The following CXorf38 variants were observed in gnomAD, a reference collection of about 807,000 sequenced individuals.
CXorf38 encodes the protein chromosome X open reading frame 38.
CXorf38 carries 13 observed loss-of-function variants against 27.5 expected under a neutral mutation model. The ratio of observed to expected loss-of-function variants is 0.47; its 90% CI spans 0.31 to 0.75. CXorf38 has a LOEUF of 0.75. Ranked by LOEUF, CXorf38 falls within the 30% of genes least tolerant of loss-of-function variation. CXorf38 has a pLI of 0.05. For missense variants in CXorf38, 240 were observed against 253.2 expected (o/e 0.95, Z 0.35); for synonymous variants, 100 against 99.8 (o/e 1.00, Z -0.01).
At chrX:40,636,485 T>A in intron 5 of CXorf38, 48 bp downstream of exon 5, 1 of 862,763 alleles carries the variant, frequency 1.2e-6, no homozygotes, top group South Asian at 2.7e-5. Context: ...CCCAGAATCT[T>A]TCTTTGTGTT....
At chrX:40,641,589 G>A (rs1008932602) in intron 2 of CXorf38, among the ~76,000 whole-genome samples, 1 of 111,413 alleles carries the variant, frequency 9.0e-6, no homozygotes, top group African/African-American at 3.3e-5. Context: ...ATGGGGTTTC[G>A]CCATGTTGCC....
At position 40,630,517 on chromosome X, in the gene CXorf38, T is replaced by C. The variant is rs746479282; in HGVS notation, c.*1+97A>G. The C allele has an allele frequency of 3.4e-4, 281 of 833,548 alleles. 1 individual carries two copies. Among genetic ancestry groups the C allele is most frequent in the Non-Finnish European group, 4.6e-4 (275 of 593,800 alleles). 68.7% of individuals were successfully genotyped at this position (833,548 alleles called of 1,213,427 possible). On this transcript the variant is annotated intron_variant, in intron 6 of 6. Transcript: ENST00000327877. ...GGACAAAGGCAAACTTCAGATTAGA[T>C]TGTTGTGTGTTCATGATGGCCTCAC...
At position 40,640,702 on chromosome X, in the gene CXorf38, G is replaced by A. The variant is rs139279944; in HGVS notation, c.352-1574C>T. Among the ~76,000 whole-genome samples the A allele has an allele frequency of 5.6e-3, 617 of 111,130 alleles. 7 individuals carry two copies. The highest frequency in any genetic ancestry group is 0.019 in the African/African-American group (592 of 30,493). The stretch of plus-strand genomic sequence containing the variant: ...CACCTATAATCCCAGCACTTTGGGA[G>A]GCCAAGGCGGGCAGATCACCTGAGG... On this transcript the variant is annotated intron_variant, in intron 2 of 6. Coordinates refer to ENST00000327877, the MANE Select transcript of CXorf38 (RefSeq NM_144970.3).
chrX:40,635,908 A>G (rs1569270188), intron 5 of CXorf38, among the ~76,000 whole-genome samples: 1 of 111,865 alleles, frequency 8.9e-6, no homozygotes, highest in Non-Finnish European at 1.9e-5. Context: ...CCAACCTCCA[A>G]CTACCACAAG....
rs1381123456 is a variant in CXorf38, at chrX:40,628,836, CAGCTGCCAAGCGAGA to C, written c.*1313_*1327del. On this transcript the variant is annotated 3_prime_UTR_variant, in exon 7 of 7. Coordinates refer to ENST00000327877, the MANE Select transcript of CXorf38 (RefSeq NM_144970.3). ...TACTTTTCAAAAGTGTACCATAAAC[CAGCTGCCAAGCGAGA>C]AGCTCCCCTGCTCCTGCCTGACATC... The C allele has an allele frequency of 1.0e-4, 11 of 110,494 alleles. No individual in the cohort carries two copies. The highest frequency in any genetic ancestry group is 1.7e-4 in the Non-Finnish European group (9 of 52,877). 9.1% of individuals were successfully genotyped at this position (110,494 alleles called of 1,213,427 possible). A position where few individuals can be genotyped will look rare whatever the true frequency, so the allele number is the denominator to read the frequency against.
chrX:40,643,902 A>G (rs1928459638), intron 2 of CXorf38, among the ~76,000 whole-genome samples: 1 of 112,762 alleles, frequency 8.9e-6, no homozygotes, highest in Non-Finnish European at 1.9e-5. Flanking sequence ...TTCACTCAGC[A>G]TACTGTTTTC....
rs199720938 is a variant in CXorf38, at chrX:40,638,985, G to C, written c.471+24C>G. ...CACAGACCCAACTGACTCAGGGTAT[G>C]CTTTTGAATCTGACAGCTCTTACCT... On this transcript the variant is annotated intron_variant, in intron 3 of 6. Coordinates refer to ENST00000327877, the MANE Select transcript of CXorf38 (RefSeq NM_144970.3). 108 of 1,205,961 alleles carry C rather than the reference G, an allele frequency of 9.0e-5. 1 individual carries two copies. Among genetic ancestry groups the C allele is most frequent in the Non-Finnish European group, 1.2e-4 (103 of 892,821 alleles).
chrX:40,631,491 A>G (rs984030294), intron 5 of CXorf38, among the ~76,000 whole-genome samples: 2 of 110,278 alleles, frequency 1.8e-5, no homozygotes, highest in African/African-American at 3.3e-5. Context: ...TTTTTAGTAG[A>G]GACGGGGTTT....
chrX:40,646,867 C>A, intron 2 of CXorf38, 140 bp downstream of exon 2: 1 of 732,665 alleles, frequency 1.4e-6, no homozygotes, highest in Non-Finnish European at 1.9e-6. Context: ...CCGCATACCA[C>A]CCCTGAACCG....
chrX:40,638,125 G>A (rs1175727866), intron 3 of CXorf38, among the ~76,000 whole-genome samples: 3 of 111,900 alleles, frequency 2.7e-5, no homozygotes, highest in Non-Finnish European at 5.6e-5. Context: ...TGGGTCCAGG[G>A]AGTTTCCTGA....
intron 2 of CXorf38, among the ~76,000 whole-genome samples, chrX:40,641,236 C>G (rs1156993674): frequency 9.0e-6 from 1 of 111,250 alleles, no homozygotes; most frequent in Non-Finnish European, 1.9e-5. Context: ...AAAAAAGAAA[C>G]TGCTGAATTC....
Position 40,647,545 on chromosome X carries a change from T to C in CXorf38, c.-25A>G, listed in dbSNP as rs200948964. The C allele has an allele frequency of 1.8e-4, 207 of 1,169,624 alleles. No homozygotes were observed. In the African/African-American group the frequency reaches 3.6e-3, roughly 20 times the overall value. On this transcript the variant is annotated 5_prime_UTR_variant, in exon 1 of 7. Transcript: ENST00000327877. ...TGTCTCCCACTTGGAACCAGGAGGTTGCGGGGCGTGGCGGACGGCAGTGCG... is the reference window on the plus strand; with the variant it reads ...TGTCTCCCACTTGGAACCAGGAGGTCGCGGGGCGTGGCGGACGGCAGTGCG...
At chrX:40,640,245 C>T (rs1210216925) in intron 2 of CXorf38, 4 of 320,270 alleles carry the variant, frequency 1.2e-5, no homozygotes, top group Non-Finnish European at 2.4e-5. Flanking sequence ...AGGAGGATTG[C>T]TTGAGCCCAG....
chrX:40,643,505 TCTTTC>T (rs775390265), intron 2 of CXorf38, among the ~76,000 whole-genome samples: 1 of 111,214 alleles, frequency 9.0e-6, no homozygotes, highest in East Asian at 2.8e-4. Context: ...TCTTTTCTTT[TCTTTC>T]TTTTCTTTTT....
At chrX:40,638,193 C>T (rs749343581) in intron 3 of CXorf38, among the ~76,000 whole-genome samples, 16 of 111,748 alleles carry the variant, frequency 1.4e-4, no homozygotes, top group South Asian at 3.7e-4. Context: ...GAAAAATGGT[C>T]GTCTAATCAT....
At chrX:40,639,339 C>T (rs1928216328) in intron 2 of CXorf38, 2 of 368,262 alleles carry the variant, frequency 5.4e-6, no homozygotes, top group East Asian at 4.5e-5. Flanking sequence ...CTGTATTATC[C>T]CTGCTATTAG....
intron 5 of CXorf38, among the ~76,000 whole-genome samples, chrX:40,635,384 G>T (rs1035309283): frequency 2.7e-5 from 3 of 113,111 alleles, no homozygotes; most frequent in African/African-American, 9.6e-5. Context: ...TACAGGCATA[G>T]TTATCTGCAA....
intron 2 of CXorf38, among the ~76,000 whole-genome samples, chrX:40,640,633 G>A (rs895264369): frequency 9.0e-6 from 1 of 111,040 alleles, no homozygotes; most frequent in Admixed American, 9.6e-5. Flanking sequence ...AATAGCCACA[G>A]ACAGGCCGAC....
At chrX:40,635,805 T>G (rs929873916) in intron 5 of CXorf38, among the ~76,000 whole-genome samples, 1 of 112,111 alleles carries the variant, frequency 8.9e-6, no homozygotes, top group African/African-American at 3.2e-5. Context: ...AGGCACTGCC[T>G]CCAGAATCCA....
Sources: gnomAD v4.1 joint callset for allele counts (sites outside exome capture counted in the v4.1 genomes callset) on GRCh38, gnomAD v4.1.1 for gene constraint, MANE v1.5 for transcripts, NCBI Gene and HGNC (gene_info 2026-07-23, HGNC 2026-07-21) for gene names.